The following GNL3L variants were observed in gnomAD, a reference collection of about 807,000 sequenced individuals.
The protein encoded by GNL3L is guanine nucleotide-binding protein-like 3-like protein.
Under a neutral mutation model 42.9 loss-of-function variants are expected in GNL3L, and 4 were observed. The observed-to-expected ratio is 0.09, with a 90% confidence interval of 0.05 to 0.21. The LOEUF is 0.21. Among genes scored for constraint, GNL3L ranks in the 10% least tolerant of loss-of-function variants. GNL3L has a pLI of 1.00. For missense variants in GNL3L, 412 were observed against 481.7 expected (o/e 0.86, Z 1.36); for synonymous variants, 159 against 176.3 (o/e 0.90, Z 0.78).
chrX:54,569,781 C>T (rs931232334), downstream of GNL3L, among the ~76,000 whole-genome samples: 13 of 111,698 alleles, frequency 1.2e-4, no homozygotes, highest in African/African-American at 2.9e-4. Context: ...TTTATTGTTT[C>T]GTTTTGCTTA....
At chrX:54,590,837 C>G (rs746307936) in intron 16 of GNL3L, among the ~76,000 whole-genome samples, 1 of 110,309 alleles carries the variant, frequency 9.1e-6, no homozygotes, top group East Asian at 2.8e-4. Context: ...TTCATTCATT[C>G]ATTCAGTCAG....
At chrX:54,611,195 T>G (rs1276718168) in intron 16 of GNL3L, among the ~76,000 whole-genome samples, 1 of 111,819 alleles carries the variant, frequency 8.9e-6, no homozygotes, top group East Asian at 2.8e-4. Context: ...AGTTGTAATA[T>G]CTCCTGTTTC....
chrX:54,555,891 T>C (rs1960216957), intron 14 of GNL3L, among the ~76,000 whole-genome samples: 1 of 110,043 alleles, frequency 9.1e-6, no homozygotes, highest in African/African-American at 3.3e-5. Flanking sequence ...TGTGGCCTGC[T>C]ATTGAAGATC....
chrX:54,635,766 A>G, the GNL3L span, among the ~76,000 whole-genome samples: 1 of 110,553 alleles, frequency 9.0e-6, no homozygotes, highest in African/African-American at 3.3e-5. Flanking sequence ...CAAACAAACA[A>G]AAATTACCTC....
chrX:54,591,638 G>C (rs1925873218), intron 16 of GNL3L, among the ~76,000 whole-genome samples: 1 of 106,434 alleles, frequency 9.4e-6, no homozygotes, highest in African/African-American at 3.4e-5. Context: ...GTGTAGATTT[G>C]TTTCTGAGTT....
At chrX:54,568,339 T>C (rs960242829), downstream of GNL3L, among the ~76,000 whole-genome samples, 2 of 111,430 alleles carry the variant, frequency 1.8e-5, no homozygotes, top group African/African-American at 6.5e-5. Flanking sequence ...ACAGACTTTG[T>C]GGCTTAAAAC....
At chrX:54,543,924 T>TG (rs111325753) in intron 7 of GNL3L, 8,712 of 238,915 alleles carry the variant, frequency 0.036, 738 homozygotes, top group African/African-American at 0.23. Context: ...ACACAATATT[T>TG]GGGGGGTCTC....
the GNL3L span, among the ~76,000 whole-genome samples, chrX:54,641,486 C>T: frequency 8.9e-6 from 1 of 111,788 alleles, no homozygotes; most frequent in East Asian, 2.8e-4. Flanking sequence ...CTGCCATGTT[C>T]CAGTCACTCT....
intron 16 of GNL3L, among the ~76,000 whole-genome samples, chrX:54,585,789 G>GT (rs903698778): frequency 6.4e-5 from 7 of 108,949 alleles, no homozygotes; most frequent in African/African-American, 1.0e-4. Context: ...TTTGGCCTCA[G>GT]TTTTTTTTTC....
At chrX:54,578,918 T>C (rs1277977930) in intron 16 of GNL3L, among the ~76,000 whole-genome samples, 1 of 112,357 alleles carries the variant, frequency 8.9e-6, no homozygotes, top group Non-Finnish European at 1.9e-5. Flanking sequence ...CCCATTTTAA[T>C]AGTTCTGTAA....
rs111284277 is a variant in GNL3L, at chrX:54,540,216, C to G, written c.163C>G (p.Arg55Gly). 3.0e-5 allele frequency: 36 copies of G among 1,195,396 alleles called. No individual in the cohort carries two copies. Among genetic ancestry groups the G allele is most frequent in the African/African-American group, 2.8e-4 (16 of 56,944 alleles). ...TGTTCACCCCAATGATCATGCCAATCGAGAGGCTGAATTAAAGAAGAAGTG... is the reference window on the plus strand; with the variant it reads ...TGTTCACCCCAATGATCATGCCAATGGAGAGGCTGAATTAAAGAAGAAGTG... ...HFVHPNDHAN[R>G]EAELKKKWVE... is the part of the protein sequence containing the mutation. Residue 55 changes from arginine to glycine, a missense_variant, in exon 4 of 16, where the codon CGA (arginine) becomes GGA (glycine). Physicochemically the swap from Arg to Gly is moderately radical, Grantham distance 125. Coordinates refer to ENST00000360845, the MANE Select transcript of GNL3L (RefSeq NM_001184819.2).
Position 54,562,670 on chromosome X carries a change from G to C in GNL3L, c.*2068G>C, listed in dbSNP as rs918137728. On this transcript the variant is annotated 3_prime_UTR_variant, in exon 16 of 16. Transcript: ENST00000360845. ...TGGCCGAGCATGGTGGCTCACACCTGTAATCCCAGTTATGCAGGAGGCTGA... is the reference window on the plus strand; with the variant it reads ...TGGCCGAGCATGGTGGCTCACACCTCTAATCCCAGTTATGCAGGAGGCTGA... Among the ~76,000 whole-genome samples the C allele has an allele frequency of 9.0e-6, 1 of 110,753 alleles. No homozygotes were observed. Among genetic ancestry groups the C allele is most frequent in the Non-Finnish European group, 1.9e-5 (1 of 52,903 alleles).
At chrX:54,535,982 C>T (rs1353040483) in intron 2 of GNL3L, among the ~76,000 whole-genome samples, 1 of 108,234 alleles carries the variant, frequency 9.2e-6, no homozygotes, top group Non-Finnish European at 1.9e-5. Flanking sequence ...GGCTGGAGTG[C>T]AGTGGTGCGA....
downstream of GNL3L, among the ~76,000 whole-genome samples, chrX:54,622,581 G>A (rs1030307256): frequency 4.6e-5 from 5 of 109,822 alleles, no homozygotes; most frequent in African/African-American, 1.7e-4. Context: ...CACTGCACCC[G>A]GCCGAGTTGC....
chrX:54,591,910 A>G (rs917062327), intron 16 of GNL3L, among the ~76,000 whole-genome samples: 2 of 111,845 alleles, frequency 1.8e-5, no homozygotes, highest in African/African-American at 6.5e-5. Flanking sequence ...TTAGGGTTAT[A>G]TGGACATTTT....
At position 54,607,050 on chromosome X, in the gene GNL3L, T is replaced by C. The variant is rs866092033; in HGVS notation, c.*46-13795T>C. Among the ~76,000 whole-genome samples, 103 of 69,668 alleles carry C rather than the reference T, an allele frequency of 1.5e-3. 6 individuals are homozygous for C. Among genetic ancestry groups the C allele is most frequent in the African/African-American group, 8.1e-3 (95 of 11,690 alleles). The allele number at this position is 69,668 out of a possible 115,157, so 60.5% of individuals were successfully genotyped here. Reference sequence around the variant, plus strand: ...TTTCTTTCTTTCTTTCTTTCTTTCTTTCTTTCTTTCTTTCTTTCTTTCTCT... The same window carrying C: ...TTTCTTTCTTTCTTTCTTTCTTTCTCTCTTTCTTTCTTTCTTTCTTTCTCT... On this transcript the variant is annotated intron_variant, in intron 16 of 16. Coordinates refer to the GNL3L transcript ENST00000674498.
At chrX:54,549,131 TGA>T (rs1425767466) in intron 9 of GNL3L, among the ~76,000 whole-genome samples, 2 of 111,035 alleles carry the variant, frequency 1.8e-5, no homozygotes, top group Admixed American at 9.6e-5. Flanking sequence ...TCTCAAAGAA[TGA>T]GAGAGAAAAA....
the GNL3L span, among the ~76,000 whole-genome samples, chrX:54,642,815 G>T: frequency 4.5e-5 from 5 of 111,781 alleles, no homozygotes; most frequent in Non-Finnish European, 9.4e-5. Flanking sequence ...TTTATTGTCT[G>T]CCTCCTCTTC....
At chrX:54,641,366 G>A in the GNL3L span, among the ~76,000 whole-genome samples, 2 of 111,490 alleles carry the variant, frequency 1.8e-5, no homozygotes, top group Non-Finnish European at 3.8e-5. Context: ...TCCTGCAGTA[G>A]GGGTCCTGAT....
Sources: gnomAD v4.1 joint callset for allele counts (sites outside exome capture counted in the v4.1 genomes callset) on GRCh38, gnomAD v4.1.1 for gene constraint, MANE v1.5 for transcripts, NCBI Gene and HGNC (gene_info 2026-07-23, HGNC 2026-07-21) for gene names.